The following RBM47 variants were observed in gnomAD, a reference collection of about 807,000 sequenced individuals.
RBM47 encodes RNA binding motif protein 47, also known as RNA-binding protein 47.
A neutral mutation model predicts 47.1 loss-of-function variants in RBM47; 21 were observed. That is an observed-to-expected ratio of 0.45 (90% CI 0.32 to 0.64). The LOEUF (loss-of-function observed/expected upper bound fraction) is 0.64, where lower values mean the gene tolerates loss of function less well. Among genes scored for constraint, RBM47 ranks in the 30% least tolerant of loss-of-function variants. RBM47 has a pLI of 0.05. For synonymous variants in RBM47, 375 were observed against 361.7 expected (o/e 1.04, Z -0.42); for missense variants, 708 against 870.9 (o/e 0.81, Z 2.35).
chr4:40,627,066 A>G (rs1435667630), intron 1 of RBM47, among the ~76,000 whole-genome samples: 1 of 152,172 alleles, frequency 6.6e-6, no homozygotes, highest in Non-Finnish European at 1.5e-5. Flanking sequence ...CACACCTTTT[A>G]TGATATTAAA....
chr4:40,562,855 T>C (rs1351201643), intron 1 of RBM47, among the ~76,000 whole-genome samples: 2 of 152,202 alleles, frequency 1.3e-5, no homozygotes, highest in African/African-American at 4.8e-5. Context: ...AGCTGCATCA[T>C]TTTTTAGAAG....
In RBM47 at chr4:40,628,310, G is replaced by A. The variant is rs1737925184; in HGVS notation, c.-240+1086C>T. On this transcript the variant is annotated intron_variant, in intron 1 of 6. Coordinates refer to ENST00000295971, the MANE Select transcript of RBM47 (RefSeq NM_001098634.2). The surrounding 1 kb of genome is among the most constrained non-coding windows in gnomAD (Gnocchi z 4.0). ...ATTTTAGTTCCCTCCAAGACTTCAA[G>A]TCATTGATCTAACAAAGATCATTGT... Among the ~76,000 whole-genome samples, 2 of 152,172 alleles carry A rather than the reference G, an allele frequency of 1.3e-5. No homozygotes were observed. The highest frequency in any genetic ancestry group is 1.3e-4 in the Admixed American group (2 of 15,262).
chr4:40,556,516 G>A (rs1426915681), intron 1 of RBM47, among the ~76,000 whole-genome samples: 1 of 151,976 alleles, frequency 6.6e-6, no homozygotes. Flanking sequence ...CAAAAATAAA[G>A]TAATTGCAGT....
At chr4:40,521,943 G>T (rs1464291635) in intron 2 of RBM47, among the ~76,000 whole-genome samples, 1 of 152,166 alleles carries the variant, frequency 6.6e-6, no homozygotes, top group Non-Finnish European at 1.5e-5. Flanking sequence ...TTGACTGCTT[G>T]TCAGTGATTA....
chr4:40,426,492 A>C (rs999102472), intron 6 of RBM47, among the ~76,000 whole-genome samples: 4 of 152,152 alleles, frequency 2.6e-5, no homozygotes, highest in Non-Finnish European at 5.9e-5. Flanking sequence ...CCCTGAGAGA[A>C]AATGGCGTAT....
intron 1 of RBM47, among the ~76,000 whole-genome samples, chr4:40,545,366 AAAAG>A (rs1263134228): frequency 1.4e-5 from 2 of 143,296 alleles, no homozygotes; most frequent in Non-Finnish European, 3.0e-5. Context: ...TCCTGTCTTT[AAAAG>A]AGAGAGAGAG....
chr4:40,569,219 A>G (rs1037159347), intron 1 of RBM47, among the ~76,000 whole-genome samples: 2 of 151,922 alleles, frequency 1.3e-5, no homozygotes, highest in African/African-American at 4.8e-5. Flanking sequence ...AATTAAACTC[A>G]CAGAGAATAC....
At chr4:40,594,438 A>T (rs1734568961) in intron 1 of RBM47, among the ~76,000 whole-genome samples, 1 of 152,210 alleles carries the variant, frequency 6.6e-6, no homozygotes, top group South Asian at 2.1e-4. Flanking sequence ...TTGACGACAC[A>T]GCTTGGTCTC....
At position 40,522,111 on chromosome 4, in the gene RBM47, AGT is replaced by A. The variant is rs148515395; in HGVS notation, c.-155+22309_-155+22310del. 9.8e-5 allele frequency among the ~76,000 whole-genome samples: 15 copies of A among 152,360 alleles called. No homozygotes were observed. The East Asian group carries it at 2.9e-3, about 29-fold the overall frequency. On this transcript the variant is annotated intron_variant, in intron 2 of 6. Coordinates refer to ENST00000295971, the MANE Select transcript of RBM47 (RefSeq NM_001098634.2). Reference sequence around the variant, plus strand: ...GTTACAGAATCATGCATGGGTAAGCAGTCCATTCAAAGTTCAAGATGGGCCAA... The same window carrying A: ...GTTACAGAATCATGCATGGGTAAGCACCATTCAAAGTTCAAGATGGGCCAA...
At chr4:40,459,794 G>A (rs1716835034) in intron 3 of RBM47, among the ~76,000 whole-genome samples, 1 of 152,080 alleles carries the variant, frequency 6.6e-6, no homozygotes, top group Non-Finnish European at 1.5e-5. Flanking sequence ...AGGCTGGTGT[G>A]CAATAGTGTA....
chr4:40,545,698 T>TAAATAAATAAGAGCAAGGCTCCTTCTCAA (rs1337759392), intron 1 of RBM47, among the ~76,000 whole-genome samples: 1 of 150,630 alleles, frequency 6.6e-6, no homozygotes, highest in Non-Finnish European at 1.5e-5. Flanking sequence ...AATAAATAAA[T>TAAATAAATAAGAGCAAGGCTCCTTCTCAA]AAATAAAAGA....
At chr4:40,616,874 C>CTTTTTTTTTTTT (rs1300005872) in intron 1 of RBM47, among the ~76,000 whole-genome samples, 1 of 111,668 alleles carries the variant, frequency 9.0e-6, no homozygotes, top group Non-Finnish European at 1.7e-5. Flanking sequence ...ATTTTCTTTT[C>CTTTTTTTTTTTT]TTTTTTTTTT....
At chr4:40,612,487 C>T (rs545218063) in intron 1 of RBM47, among the ~76,000 whole-genome samples, 1 of 152,282 alleles carries the variant, frequency 6.6e-6, no homozygotes, top group Admixed American at 6.5e-5. Flanking sequence ...ACTTGCACTC[C>T]AGCCTGGGCA....
intron 1 of RBM47, among the ~76,000 whole-genome samples, chr4:40,612,676 G>A (rs1736365700): frequency 1.3e-5 from 2 of 152,138 alleles, no homozygotes; most frequent in Admixed American, 1.3e-4. Flanking sequence ...TAACACAAAA[G>A]GTCATCAGAG....
At chr4:40,455,861 C>A (rs1716162770) in intron 3 of RBM47, among the ~76,000 whole-genome samples, 1 of 152,162 alleles carries the variant, frequency 6.6e-6, no homozygotes, top group South Asian at 2.1e-4. Context: ...TTTCAAGGAT[C>A]TTCTTTTTGT....
rs1724771096 is a variant in RBM47, at chr4:40,510,416, G to A, written c.-155+34006C>T. Among the ~76,000 whole-genome samples, 6 of 152,004 alleles carry A rather than the reference G, an allele frequency of 3.9e-5. No individual in the cohort carries two copies. The South Asian group carries it at 1.2e-3, about 32-fold the overall frequency. On this transcript the variant is annotated intron_variant, in intron 2 of 6. Coordinates refer to ENST00000295971, the MANE Select transcript of RBM47 (RefSeq NM_001098634.2). ...TCTGGTACATATTTTTGAACACGTG[G>A]GATATGCTAAGAGCTAGAGATACAG...
chr4:40,536,318 T>C (rs1167145713), intron 2 of RBM47, among the ~76,000 whole-genome samples: 1 of 152,164 alleles, frequency 6.6e-6, no homozygotes, highest in East Asian at 1.9e-4. Context: ...AGCAGAACTT[T>C]GATGCATGTC....
intron 2 of RBM47, among the ~76,000 whole-genome samples, chr4:40,515,235 C>A (rs78822559): frequency 0.013 from 1,988 of 152,224 alleles, 48 homozygotes; most frequent in African/African-American, 0.046. Flanking sequence ...CCTCCTGGTA[C>A]CACCAGGGTT....
At chr4:40,431,747 A>G (rs1428550294) in intron 6 of RBM47, among the ~76,000 whole-genome samples, 2 of 62,882 alleles carry the variant, frequency 3.2e-5, no homozygotes, top group South Asian at 9.7e-4. Context: ...ACCAGGATAC[A>G]CTATGAAAAA....
Sources: allele counts gnomAD v4.1 joint callset (sites outside exome capture counted in the v4.1 genomes callset), GRCh38; gene constraint gnomAD v4.1.1; non-coding constraint Gnocchi (gnomAD v3.1); transcripts MANE v1.5; gene names NCBI Gene and HGNC (gene_info 2026-07-23, HGNC 2026-07-21).